WDTC1: variants seen among roughly 807,000 people sequenced by gnomAD.
WDTC1 encodes the protein WD and tetratricopeptide repeats 1.
In WDTC1, 12 loss-of-function variants were observed where a neutral mutation model predicts 76.0. That is an observed-to-expected ratio of 0.16 (90% CI 0.10 to 0.26). The LOEUF (loss-of-function observed/expected upper bound fraction) is 0.26, where lower values mean the gene tolerates loss of function less well. Ranked by LOEUF, WDTC1 falls within the 10% of genes least tolerant of loss-of-function variation. WDTC1 has a pLI of 1.00. For missense variants in WDTC1, 511 were observed against 908.8 expected (o/e 0.56, Z 5.63); for synonymous variants, 326 against 350.8 (o/e 0.93, Z 0.79).
At chr1:27,240,993 C>A (rs2011615654) in intron 1 of WDTC1, among the ~76,000 whole-genome samples, 1 of 142,050 alleles carries the variant, frequency 7.0e-6, no homozygotes, top group Non-Finnish European at 1.6e-5. Flanking sequence ...AACAAAAAAA[C>A]TTTAAGCCTG....
intron 1 of WDTC1, among the ~76,000 whole-genome samples, chr1:27,259,857 C>CAAA (rs57818136): frequency 5.5e-5 from 5 of 91,658 alleles, no homozygotes; most frequent in Admixed American, 3.5e-4. Flanking sequence ...TCCATCTCTA[C>CAAA]AAAAAAAAAA....
intron 1 of WDTC1, among the ~76,000 whole-genome samples, chr1:27,247,366 T>C (rs1185589733): frequency 6.6e-6 from 1 of 151,862 alleles, no homozygotes; most frequent in Non-Finnish European, 1.5e-5. Flanking sequence ...CTTGTGCAGG[T>C]TTTTTATACA....
intron 1 of WDTC1, among the ~76,000 whole-genome samples, chr1:27,240,036 G>A (rs946330053): frequency 4.6e-5 from 7 of 151,494 alleles, no homozygotes; most frequent in East Asian, 2.0e-4. Context: ...TTATAGGTGC[G>A]CGCCACCATG....
Position 27,304,000 on chromosome 1 carries a change from A to G in WDTC1, c.1643+205A>G. ...TGCCATGCCCATTTATGAGGCCATA[A>G]CAAGGACTAATAAGATAACCCAAGT... On this transcript the variant is annotated intron_variant, in intron 14 of 15. Transcript: ENST00000319394. The surrounding 1 kb of genome is among the most constrained non-coding windows in gnomAD (Gnocchi z 4.8). 1 of 615,476 alleles carries G rather than the reference A, an allele frequency of 1.6e-6. No homozygotes were observed. Among genetic ancestry groups the G allele is most frequent in the Non-Finnish European group, 2.7e-6 (1 of 366,982 alleles). 38.1% of individuals were successfully genotyped at this position (615,476 alleles called of 1,614,324 possible). A position where few individuals can be genotyped will look rare whatever the true frequency, so the allele number is the denominator to read the frequency against.
intron 7 of WDTC1, among the ~76,000 whole-genome samples, chr1:27,293,746 G>A (rs1258552329): frequency 2.0e-5 from 3 of 152,134 alleles, no homozygotes; most frequent in Admixed American, 6.5e-5. Flanking sequence ...GCATGGCTTG[G>A]AGCGGGTCTT....
In WDTC1 at chr1:27,284,766, T is replaced by A. The variant is rs1233937502; in HGVS notation, c.291+1317T>A. Among the ~76,000 whole-genome samples the A allele has an allele frequency of 6.1e-3, 873 of 143,756 alleles. 5 individuals carry two copies. Among genetic ancestry groups the A allele is most frequent in the Non-Finnish European group, 7.6e-3 (497 of 65,420 alleles). The allele number at this position is 143,756 out of a possible 152,430, so 94.3% of individuals were successfully genotyped here. ...CAGACTGTCAGCCTCCTCTTCTATT[T>A]AAAAAAAAAAAAACAACCTGAAAAG... On this transcript the variant is annotated intron_variant, in intron 5 of 15. Transcript: ENST00000319394.
chr1:27,253,998 G>T (rs1234774456), intron 1 of WDTC1, among the ~76,000 whole-genome samples: 1 of 152,038 alleles, frequency 6.6e-6, no homozygotes, highest in African/African-American at 2.4e-5. Flanking sequence ...AGAGACTTTT[G>T]GACTGAGGTA....
chr1:27,268,837 C>T (rs2012762271), intron 3 of WDTC1, among the ~76,000 whole-genome samples: 1 of 151,668 alleles, frequency 6.6e-6, no homozygotes, highest in African/African-American at 2.4e-5. Flanking sequence ...GCCTCAGCCT[C>T]CCAAGTAGCT....
chr1:27,302,092 G>A (rs1006982655), intron 13 of WDTC1, among the ~76,000 whole-genome samples: 2 of 152,184 alleles, frequency 1.3e-5, no homozygotes, highest in African/African-American at 4.8e-5. Context: ...GAGCTCATAG[G>A]AGGCAGACAT....
intron 1 of WDTC1, among the ~76,000 whole-genome samples, chr1:27,243,198 ATTTTTT>A (rs10714028): frequency 2.3e-4 from 14 of 60,272 alleles, no homozygotes; most frequent in African/African-American, 6.2e-4. Flanking sequence ...CTGGCCAGTA[ATTTTTT>A]TTTTTTTTTT....
chr1:27,289,990 G>A (rs1327014064), intron 6 of WDTC1, among the ~76,000 whole-genome samples: 1 of 151,216 alleles, frequency 6.6e-6, no homozygotes, highest in African/African-American at 2.4e-5. Flanking sequence ...AGAGGGAGAG[G>A]GAGACCGTGG....
At chr1:27,241,859 A>C (rs139512728) in intron 1 of WDTC1, among the ~76,000 whole-genome samples, 198 of 152,214 alleles carry the variant, frequency 1.3e-3, no homozygotes, top group African/African-American at 4.5e-3. Context: ...CACAAAGCTC[A>C]AACAAGTGGC....
chr1:27,244,499 G>T (rs1052702622), intron 1 of WDTC1, among the ~76,000 whole-genome samples: 5 of 151,970 alleles, frequency 3.3e-5, no homozygotes, highest in Non-Finnish European at 7.4e-5. Context: ...GTGCCACCAT[G>T]CCTGGCTAAT....
intron 1 of WDTC1, among the ~76,000 whole-genome samples, chr1:27,252,811 GA>G (rs918047243): frequency 4.3e-4 from 62 of 142,642 alleles, no homozygotes; most frequent in South Asian, 6.7e-4. Flanking sequence ...AAAAGAAAAA[GA>G]AAAAAAAAAA....
intron 7 of WDTC1, among the ~76,000 whole-genome samples, chr1:27,293,470 A>G (rs2013596699): frequency 6.6e-6 from 1 of 151,212 alleles, no homozygotes; most frequent in South Asian, 2.1e-4. Context: ...ATTACCCATA[A>G]TCTCTTACAT....
intron 11 of WDTC1, 64 bp downstream of exon 11, chr1:27,297,220 G>A (rs1041956479): frequency 3.5e-6 from 5 of 1,410,874 alleles, no homozygotes; most frequent in Non-Finnish European, 4.9e-6. Flanking sequence ...TGGAGGGAGG[G>A]ACATAACCTG....
At chr1:27,273,639 C>A (rs1237591493) in intron 3 of WDTC1, among the ~76,000 whole-genome samples, 1 of 152,058 alleles carries the variant, frequency 6.6e-6, no homozygotes, top group Non-Finnish European at 1.5e-5. Flanking sequence ...ATGGACTATA[C>A]GTTAGACAAC....
chr1:27,263,005 C>T (rs2012532479), intron 2 of WDTC1, 147 bp from the exon 3 acceptor site: 3 of 664,338 alleles, frequency 4.5e-6, no homozygotes, highest in Non-Finnish European at 7.5e-6. Flanking sequence ...ATCCTTGCCC[C>T]AGAATAATAC....
chr1:27,250,037 T>A (rs529222028), intron 1 of WDTC1, among the ~76,000 whole-genome samples: 1 of 152,246 alleles, frequency 6.6e-6, no homozygotes, highest in Non-Finnish European at 1.5e-5. Flanking sequence ...GTCAGCTTCA[T>A]CTCTGGTAGG....
Sources: allele counts gnomAD v4.1 joint callset (sites outside exome capture counted in the v4.1 genomes callset), GRCh38; gene constraint gnomAD v4.1.1; non-coding constraint Gnocchi (gnomAD v3.1); transcripts MANE v1.5; gene names NCBI Gene and HGNC (gene_info 2026-07-23, HGNC 2026-07-21).